The following DNAAF1 variants were observed in gnomAD, a reference collection of about 807,000 sequenced individuals.
DNAAF1 encodes the protein dynein assembly factor 1, axonemal.
In DNAAF1, 65 loss-of-function variants were observed where a neutral mutation model predicts 71.1. That is an observed-to-expected ratio of 0.91 (90% confidence interval 0.75 to 1.12). The LOEUF is 1.12. DNAAF1 is among the 50% of genes most tolerant of loss of function. DNAAF1 has a pLI of 0.00. For missense variants in DNAAF1, 1,178 were observed against 899.8 expected, an observed-to-expected ratio of 1.31 and a Z score of -3.96; for synonymous variants, 414 against 354.6, an observed-to-expected ratio of 1.17 and a Z score of -1.88.
intron 4 of DNAAF1, 69 bp downstream of exon 4, chr16:84,154,867 A>G: frequency 7.7e-7 from 1 of 1,305,118 alleles, no homozygotes; most frequent in East Asian, 2.3e-5. Context: ...GGGATGTTCT[A>G]AGCTTTTATA....
intron 11 of DNAAF1, chr16:84,176,826 C>A: frequency 5.5e-6 from 1 of 182,308 alleles, no homozygotes; most frequent in Non-Finnish European, 1.2e-5. Flanking sequence ...CAAAGGGGCA[C>A]CAGGCAGGGA....
Position 84,176,025 on chromosome 16 carries a change from C to T in DNAAF1, c.1791C>T (p.Asn597=). 1 of 1,614,188 alleles carries T rather than the reference C, an allele frequency of 6.2e-7. No individual in the cohort carries two copies. Residue 597 remains asparagine, a synonymous_variant, in exon 11 of 12, where the codon AAC becomes AAT. Transcript: ENST00000378553. ...LDYTSLPVLE[N]LPTDTLSNIF... ...ACACGTCACTCCCTGTGCTGGAAAA[C>T]CTCCCCACAGACACTCTGTCAAATA...
chr16:84,146,348 A>G (rs982118369), intron 1 of DNAAF1, among the ~76,000 whole-genome samples: 2 of 152,174 alleles, frequency 1.3e-5, no homozygotes, highest in African/African-American at 4.8e-5. Flanking sequence ...CCTAGGGTAG[A>G]GAGTCCGAAT....
chr16:84,159,245 A>T, intron 5 of DNAAF1: 1 of 1,071,310 alleles, frequency 9.3e-7, no homozygotes, highest in Non-Finnish European at 1.1e-6. Flanking sequence ...TCCCTTAGTC[A>T]CTGCTGCTTC....
At chr16:84,176,606 A>C in intron 11 of DNAAF1, 1 of 463,408 alleles carries the variant, frequency 2.2e-6, no homozygotes, top group Non-Finnish European at 4.0e-6. Flanking sequence ...CGGGGGCCTA[A>C]TGACCGTGCA....
chr16:84,172,295 T>C lies in DNAAF1; in HGVS notation c.1564T>C (p.Phe522Leu), dbSNP rs761105985. ...CCAGGCTGTGGCCACTGAGGGTGTA[T>C]TCGTTACAGAACTTGATGGAACGAG... ...TPQAVATEGVFVTELDGTRTE... is the reference protein window; with the variant it reads ...TPQAVATEGVLVTELDGTRTE... The change falls in exon 9 of 12, where the codon TTC becomes CTC. Residue 522 changes from phenylalanine (F) to leucine (L), a missense_variant. Coordinates refer to ENST00000378553, the MANE Select transcript of DNAAF1 (RefSeq NM_178452.6). 7.4e-6 allele frequency: 12 copies of C among 1,614,078 alleles called. No individual in the cohort carries two copies. The highest frequency in any genetic ancestry group is 1.3e-5 in the African/African-American group (1 of 74,940).
At position 84,159,788 on chromosome 16, in the gene DNAAF1, A is replaced by G. The variant is rs1330481473; in HGVS notation, c.855A>G (p.Pro285=). 4 of 1,613,888 alleles carry G rather than the reference A, an allele frequency of 2.5e-6. No individual in the cohort carries two copies. The highest frequency in any genetic ancestry group is 1.1e-5 in the South Asian group (1 of 91,072). The change falls in exon 6 of 12, where the codon CCA becomes CCG. Residue 285 remains proline, a synonymous_variant. Transcript: ENST00000378553. ...LTYLDDRPVF[P]KDRACAEAWA... ...ACCTGGATGATAGACCAGTGTTTCCAAAGGACAGGTAAGAAGAGAAAAGCC... is the reference window on the plus strand; with the variant it reads ...ACCTGGATGATAGACCAGTGTTTCCGAAGGACAGGTAAGAAGAGAAAAGCC...
In DNAAF1 at chr16:84,177,256, C is replaced by G. The variant is rs371950726; in HGVS notation, c.2066-473C>G. ...CGTGCAGCCTCGGGCGGGGGCAGGC[C>G]TGGAGGACGTTGAATAATTTGTTTT... On this transcript the variant is annotated intron_variant, in intron 11 of 11. Transcript: ENST00000378553. The G allele has an allele frequency of 1.4e-4, 35 of 251,108 alleles. No homozygotes were observed. In the East Asian group the frequency reaches 3.2e-3, roughly 23 times the overall value. The allele number at this position is 251,108 out of a possible 1,614,324, so 15.6% of individuals were successfully genotyped here.
intron 6 of DNAAF1, among the ~76,000 whole-genome samples, chr16:84,161,073 G>A (rs549773339): frequency 1.5e-3 from 234 of 152,324 alleles, no homozygotes; most frequent in Non-Finnish European, 2.6e-3. Context: ...TGACTCCCAA[G>A]CCAGCTCTGC....
chr16:84,151,729 C>T (rs1026271250), intron 3 of DNAAF1, among the ~76,000 whole-genome samples: 1 of 152,180 alleles, frequency 6.6e-6, no homozygotes, highest in Admixed American at 6.5e-5. Flanking sequence ...GAGGCAGTAG[C>T]CAGACTGTCA....
At chr16:84,165,379 T>A (rs1264243481) in intron 6 of DNAAF1, among the ~76,000 whole-genome samples, 1 of 152,028 alleles carries the variant, frequency 6.6e-6, no homozygotes, top group Admixed American at 6.6e-5. Context: ...AGAGACAGGG[T>A]TTTGCTATGT....
At chr16:84,166,853 A>G (rs1410570027) in intron 7 of DNAAF1, among the ~76,000 whole-genome samples, 1 of 152,240 alleles carries the variant, frequency 6.6e-6, no homozygotes, top group African/African-American at 2.4e-5. Flanking sequence ...TGAAAGTAGG[A>G]AAACTCAAAT....
At chr16:84,151,290 C>G (rs2087168544) in intron 3 of DNAAF1, among the ~76,000 whole-genome samples, 1 of 152,108 alleles carries the variant, frequency 6.6e-6, no homozygotes, top group South Asian at 2.1e-4. Context: ...CTTTGGTGTC[C>G]TGGGGGATGG....
chr16:84,168,519 C>G (rs1294291987), intron 7 of DNAAF1, among the ~76,000 whole-genome samples: 1 of 152,126 alleles, frequency 6.6e-6, no homozygotes, highest in Non-Finnish European at 1.5e-5. Context: ...CTCAAGCAGT[C>G]CTCCCGCCTC....
At chr16:84,148,463 CT>C (rs1355879199) in intron 1 of DNAAF1, among the ~76,000 whole-genome samples, 1 of 151,998 alleles carries the variant, frequency 6.6e-6, no homozygotes, top group Non-Finnish European at 1.5e-5. Context: ...AAACAAATCT[CT>C]TTGTCCATGT....
At chr16:84,174,372 G>A (rs1429027064) in intron 9 of DNAAF1, 2 of 1,301,146 alleles carry the variant, frequency 1.5e-6, no homozygotes, top group Non-Finnish European at 2.0e-6. Flanking sequence ...TTTCCCCCAA[G>A]ATGAACTGGC....
At chr16:84,174,145 CT>C (rs1567567187) in intron 9 of DNAAF1, 1 of 993,382 alleles carries the variant, frequency 1.0e-6, no homozygotes, top group East Asian at 1.0e-4. Flanking sequence ...GAGTAACAAC[CT>C]AGGCACCGTG....
At position 84,148,596 on chromosome 16, in the gene DNAAF1, C is replaced by CTCTCTCTCTTTTTTTT; in HGVS notation, c.125-410_125-409insCTCTCTCTTTTTTTTT. On this transcript the variant is annotated intron_variant, in intron 1 of 11. Coordinates refer to ENST00000378553, the MANE Select transcript of DNAAF1 (RefSeq NM_178452.6). Reference sequence around the variant, plus strand: ...AAAGATTACTGTTCTCTCTCTCTCTCTTTTTTTTTTTTTTTTTTGGTGAGA... The same window carrying CTCTCTCTCTTTTTTTT: ...AAAGATTACTGTTCTCTCTCTCTCTCTCTCTCTCTTTTTTTTTTTTTTTTTTTTTTTTTTGGTGAGA... Among the ~76,000 whole-genome samples the CTCTCTCTCTTTTTTTT allele has an allele frequency of 1.2e-3, 52 of 43,574 alleles. 1 individual carries two copies. Among genetic ancestry groups the CTCTCTCTCTTTTTTTT allele is most frequent in the African/African-American group, 4.7e-3 (51 of 10,858 alleles). The allele number at this position is 43,574 out of a possible 152,430, so 28.6% of individuals were successfully genotyped here. A position where few individuals can be genotyped will look rare whatever the true frequency, so the allele number is the denominator to read the frequency against.
At chr16:84,147,332 A>C (rs756959861) in intron 1 of DNAAF1, among the ~76,000 whole-genome samples, 3 of 152,208 alleles carry the variant, frequency 2.0e-5, no homozygotes, top group Non-Finnish European at 2.9e-5. Context: ...CACAGCCTTT[A>C]GTCTTGTTCA....
Sources: allele counts gnomAD v4.1 joint callset (sites outside exome capture counted in the v4.1 genomes callset), GRCh38; gene constraint gnomAD v4.1.1; transcripts MANE v1.5; gene names NCBI Gene and HGNC (gene_info 2026-07-23, HGNC 2026-07-21).